SYNPR: variants seen among roughly 807,000 people sequenced by gnomAD.
SYNPR encodes synaptoporin.
SYNPR carries 23 observed loss-of-function variants against 32.9 expected under a neutral mutation model. That is an observed-to-expected ratio of 0.70 (90% confidence interval 0.50 to 0.99). SYNPR has a LOEUF of 0.99. SYNPR is among the 50% of genes least tolerant of loss of function. The probability of loss-of-function intolerance (pLI) is 0.00; values close to 1 mark genes in which losing one functional copy is unlikely to be tolerated. For synonymous variants in SYNPR, 146 were observed against 135.9 expected (o/e 1.07, Z -0.52); for missense variants, 318 against 349.3 (o/e 0.91, Z 0.71).
intron 4 of SYNPR, 135 bp from the exon 5 acceptor site, chr3:63,608,990 T>C: frequency 1.6e-6 from 1 of 612,198 alleles, no homozygotes; most frequent in Non-Finnish European, 2.6e-6. Flanking sequence ...TTTTTCTAAA[T>C]GTTTTCCTTG....
chr3:63,451,057 C>T (rs1700372631), intron 2 of SYNPR, among the ~76,000 whole-genome samples: 1 of 152,166 alleles, frequency 6.6e-6, no homozygotes, highest in South Asian at 2.1e-4. Flanking sequence ...GACAATTCAT[C>T]TGCCATCTTG....
At chr3:63,583,589 C>A (rs1398897494) in intron 4 of SYNPR, among the ~76,000 whole-genome samples, 15 of 151,996 alleles carry the variant, frequency 9.9e-5, no homozygotes, top group South Asian at 2.1e-4. Flanking sequence ...TAACAAGGTG[C>A]CAGTTGGCAT....
At chr3:63,417,632 T>C (rs1022281846) in intron 2 of SYNPR, among the ~76,000 whole-genome samples, 2 of 152,236 alleles carry the variant, frequency 1.3e-5, no homozygotes, top group African/African-American at 4.8e-5. Flanking sequence ...GGCATTTCCA[T>C]ACATCCTCTG....
chr3:63,532,990 C>T (rs1303195454), intron 3 of SYNPR, among the ~76,000 whole-genome samples: 2 of 152,184 alleles, frequency 1.3e-5, no homozygotes, highest in African/African-American at 4.8e-5. Flanking sequence ...CCAATCCTTC[C>T]AGCATTGAAT....
At chr3:63,442,123 A>C (rs1700188638) in intron 2 of SYNPR, among the ~76,000 whole-genome samples, 1 of 151,666 alleles carries the variant, frequency 6.6e-6, no homozygotes, top group Admixed American at 6.6e-5. Flanking sequence ...GAAGAAAGGG[A>C]GTAAGAGAGA....
chr3:63,416,545 A>C (rs1405608551), intron 2 of SYNPR, among the ~76,000 whole-genome samples: 3 of 147,692 alleles, frequency 2.0e-5, no homozygotes, highest in Non-Finnish European at 3.0e-5. Context: ...AAAAAAAAAA[A>C]AAAAAAACCA....
At chr3:63,268,745 C>T (rs1378191589) in intron 3 of SYNPR, among the ~76,000 whole-genome samples, 1 of 152,098 alleles carries the variant, frequency 6.6e-6, no homozygotes, top group Non-Finnish European at 1.5e-5. Context: ...TACAATAACT[C>T]ACACAGTTCA....
chr3:63,581,188 A>C (rs1703083536), intron 4 of SYNPR, among the ~76,000 whole-genome samples: 2 of 152,114 alleles, frequency 1.3e-5, no homozygotes, highest in Non-Finnish European at 2.9e-5. Flanking sequence ...CTCCATACTA[A>C]ATCAGAAAAA....
At chr3:63,201,198 T>C in the SYNPR span, among the ~76,000 whole-genome samples, 2,456 of 152,258 alleles carry the variant, frequency 0.016, 56 homozygotes, top group African/African-American at 0.055. Flanking sequence ...TTCAGTTGAT[T>C]ATAAGATAAA....
At chr3:63,502,553 A>T (rs1157396431) in intron 3 of SYNPR, among the ~76,000 whole-genome samples, 1 of 151,986 alleles carries the variant, frequency 6.6e-6, no homozygotes, top group Non-Finnish European at 1.5e-5. Context: ...CTTATTCACC[A>T]CCCTCACCAC....
intron 2 of SYNPR, among the ~76,000 whole-genome samples, chr3:63,370,455 T>C (rs1253946460): frequency 6.6e-6 from 1 of 152,224 alleles, no homozygotes; most frequent in Non-Finnish European, 1.5e-5. Flanking sequence ...AAAGAATCTA[T>C]TGGATACTTC....
chr3:63,482,451 A>G (rs918726489), intron 3 of SYNPR, among the ~76,000 whole-genome samples: 1 of 152,286 alleles, frequency 6.6e-6, no homozygotes, highest in Middle Eastern at 3.4e-3. Context: ...GAGCAGGAGA[A>G]GAAGGGAGCT....
At chr3:63,441,519 T>C (rs188557965) in intron 2 of SYNPR, among the ~76,000 whole-genome samples, 124 of 152,352 alleles carry the variant, frequency 8.1e-4, no homozygotes, top group Non-Finnish European at 1.3e-3. Context: ...CAGTCAATCC[T>C]TCATTTATTT....
intron 2 of SYNPR, among the ~76,000 whole-genome samples, chr3:63,350,591 C>G (rs1244605063): frequency 6.6e-6 from 1 of 152,148 alleles, no homozygotes; most frequent in East Asian, 1.9e-4. Context: ...CACTATTATG[C>G]AAAACAGCCA....
intron 2 of SYNPR, among the ~76,000 whole-genome samples, chr3:63,397,705 T>C (rs567595763): frequency 6.6e-6 from 1 of 152,306 alleles, no homozygotes; most frequent in South Asian, 2.1e-4. Context: ...TTTCAACCTA[T>C]ACCCTGCCAC....
intron 2 of SYNPR, among the ~76,000 whole-genome samples, chr3:63,475,644 A>C (rs1401126070): frequency 1.3e-5 from 2 of 152,114 alleles, no homozygotes; most frequent in Admixed American, 6.6e-5. Flanking sequence ...CAACTTGCTT[A>C]TAGTATTACA....
chr3:63,247,025 A>G (rs992490691), intron 1 of SYNPR, among the ~76,000 whole-genome samples: 3 of 152,018 alleles, frequency 2.0e-5, no homozygotes, highest in Non-Finnish European at 2.9e-5. Flanking sequence ...ATGTTTACCT[A>G]TGTAGCAAAA....
At chr3:63,260,338 A>C (rs2086427290) in intron 2 of SYNPR, among the ~76,000 whole-genome samples, 1 of 152,222 alleles carries the variant, frequency 6.6e-6, no homozygotes, top group South Asian at 2.1e-4. Flanking sequence ...AGGCCACAGT[A>C]ACCAAAACAG....
At chr3:63,563,097 G>A (rs181194343) in intron 4 of SYNPR, among the ~76,000 whole-genome samples, 2 of 152,198 alleles carry the variant, frequency 1.3e-5, no homozygotes, top group African/African-American at 4.8e-5. Flanking sequence ...AAGGAAAATT[G>A]GAGGCACTTT....
Sources: gnomAD v4.1 joint callset for allele counts (sites outside exome capture counted in the v4.1 genomes callset) on GRCh38, gnomAD v4.1.1 for gene constraint, MANE v1.5 for transcripts, NCBI Gene and HGNC (gene_info 2026-07-23, HGNC 2026-07-21) for gene names.